PRR33: variants seen among roughly 807,000 people sequenced by gnomAD.
PRR33 encodes proline-rich protein 33.
Under a neutral mutation model 0.5 loss-of-function variants are expected in PRR33, and 1 was observed. That is an observed-to-expected ratio of 2.18 (90% CI 0.77 to 10.34). The LOEUF (loss-of-function observed/expected upper bound fraction) is 10.34, where lower values mean the gene tolerates loss of function less well. PRR33 is among the 30% of genes most tolerant of loss of function. PRR33 has a pLI of 0.13. For missense variants in PRR33, 552 were observed against 251.8 expected (o/e 2.19, Z -8.07); for synonymous variants, 226 against 110.0 (o/e 2.06, Z -6.60).
chr11:1,909,614 A>C, the PRR33 span, among the ~76,000 whole-genome samples: 2 of 152,086 alleles, frequency 1.3e-5, no homozygotes, highest in Non-Finnish European at 2.9e-5. Flanking sequence ...TCTCAAAAAC[A>C]AAAACAAAAA....
chr11:1,907,644 C>A, the PRR33 span, among the ~76,000 whole-genome samples: 10 of 152,290 alleles, frequency 6.6e-5, no homozygotes, highest in East Asian at 1.9e-3. Context: ...GAACTCCTAA[C>A]CTCAGGTGAT....
chr11:1,895,600 C>A (rs1460515242), upstream of PRR33, among the ~76,000 whole-genome samples: 2 of 152,160 alleles, frequency 1.3e-5, no homozygotes, highest in Admixed American at 6.5e-5. Context: ...CTTTTGGTAT[C>A]ATGTCTGAGA....
chr11:1,911,665 C>T, the PRR33 span, among the ~76,000 whole-genome samples: 2 of 151,620 alleles, frequency 1.3e-5, no homozygotes, highest in African/African-American at 2.4e-5. Flanking sequence ...AAGTGATTCG[C>T]CTGCCTCGGC....
At position 1,889,431 on chromosome 11, in the gene PRR33, G is replaced by C. The variant is rs756200892; in HGVS notation, c.1154C>G (p.Pro385Arg). Residue 385 changes from proline to arginine, a missense_variant, in exon 1 of 1, where the codon CCC becomes CGC. By Grantham distance (103) the Pro-to-Arg change is moderately radical (BLOSUM62 -2). Coordinates refer to ENST00000640310, the Ensembl canonical transcript of PRR33. The stretch of plus-strand genomic sequence containing the variant: ...GGGGGCCCGGGGTGCGGTGAGGGCG[G>C]GCACCTCCTGCTCTGTGGGGGCAGG... 6.4e-5 allele frequency: 43 copies of C among 666,870 alleles called. 2 individuals are homozygous for C. The South Asian group carries it at 7.1e-4, about 11-fold the overall frequency. The allele number at this position is 666,870 out of a possible 1,614,324, so 41.3% of individuals were successfully genotyped here. A position where few individuals can be genotyped will look rare whatever the true frequency, so the allele number is the denominator to read the frequency against.
chr11:1,912,025 A>C, the PRR33 span, among the ~76,000 whole-genome samples: 2 of 114,122 alleles, frequency 1.8e-5, no homozygotes, highest in Admixed American at 9.3e-5. Context: ...AAAAAAAAAA[A>C]GCCAAGTGTG....
chr11:1,899,417 C>T, the PRR33 span, among the ~76,000 whole-genome samples: 5 of 152,092 alleles, frequency 3.3e-5, no homozygotes, highest in African/African-American at 4.8e-5. Context: ...GATTGTGAAG[C>T]GTTTGATAGG....
At chr11:1,903,839 C>T in the PRR33 span, among the ~76,000 whole-genome samples, 18 of 152,172 alleles carry the variant, frequency 1.2e-4, no homozygotes, top group African/African-American at 4.8e-5. Flanking sequence ...GAGTAGAACA[C>T]GAACATCCTT....
At chr11:1,903,456 T>C in the PRR33 span, among the ~76,000 whole-genome samples, 1 of 152,156 alleles carries the variant, frequency 6.6e-6, no homozygotes, top group East Asian at 1.9e-4. Context: ...TCATTTGCCT[T>C]TTGTGCAGAC....
At chr11:1,907,705 CG>C in the PRR33 span, 1 of 152,130 alleles carries the variant, frequency 6.6e-6, no homozygotes, top group East Asian at 1.9e-4. Context: ...TGAGCCACCG[CG>C]CCCGGCCTCT....
At chr11:1,889,708 G>T (rs1479839557) in exon 1 of PRR33, 1 of 647,282 alleles carries the variant, frequency 1.5e-6, no homozygotes, top group Middle Eastern at 2.5e-4. Flanking sequence ...TCCTCCAGGT[G>T]CTCTCTGCCA....
At chr11:1,905,335 C>G in the PRR33 span, among the ~76,000 whole-genome samples, 1 of 151,712 alleles carries the variant, frequency 6.6e-6, no homozygotes, top group African/African-American at 2.4e-5. Flanking sequence ...CCATGTTGGC[C>G]AGGCTACTCT....
chr11:1,913,382 G>A, the PRR33 span, among the ~76,000 whole-genome samples: 14 of 150,448 alleles, frequency 9.3e-5, no homozygotes, highest in African/African-American at 2.4e-4. Context: ...TCCTGACCTC[G>A]TGATCCGCCC....
chr11:1,890,561 C>T, exon 1 of PRR33: 1 of 711,338 alleles, frequency 1.4e-6, no homozygotes, highest in Non-Finnish European at 2.6e-6. Context: ...CCTCGGGTGC[C>T]ATCGACGCAG....
chr11:1,908,316 G>GCCCACC, the PRR33 span, among the ~76,000 whole-genome samples: 156 of 58,954 alleles, frequency 2.6e-3, no homozygotes, highest in Middle Eastern at 7.7e-3. Flanking sequence ...CCCCACCCCC[G>GCCCACC]CCCACCCCCA....
At chr11:1,914,395 G>T in the PRR33 span, among the ~76,000 whole-genome samples, 6 of 151,648 alleles carry the variant, frequency 4.0e-5, no homozygotes, top group African/African-American at 1.5e-4. Flanking sequence ...TGTGTTGTGT[G>T]TGGGGTCACA....
the PRR33 span, among the ~76,000 whole-genome samples, chr11:1,913,818 C>T: frequency 2.1e-4 from 32 of 152,266 alleles, no homozygotes; most frequent in South Asian, 4.1e-4. Context: ...CGCCTCACCC[C>T]GCGCTCTGCG....
At chr11:1,889,352 C>T (rs372763912) in exon 1 of PRR33, 17 of 712,292 alleles carry the variant, frequency 2.4e-5, no homozygotes, top group Middle Eastern at 2.3e-4. Context: ...CTTGGGCCTC[C>T]GCCACTGACA....
chr11:1,890,242 G>C (rs937107081), exon 1 of PRR33: 3 of 716,374 alleles, frequency 4.2e-6, no homozygotes. Flanking sequence ...GGGGTGTGCG[G>C]GGAGCGGGGT....
At chr11:1,917,044 C>G in the PRR33 span, among the ~76,000 whole-genome samples, 3 of 152,234 alleles carry the variant, frequency 2.0e-5, no homozygotes, top group African/African-American at 7.2e-5. Context: ...CAGAACGAGT[C>G]AATGAAACTG....
Sources: allele counts gnomAD v4.1 joint callset (sites outside exome capture counted in the v4.1 genomes callset), GRCh38; gene constraint gnomAD v4.1.1; transcripts MANE v1.5; gene names NCBI Gene and HGNC (gene_info 2026-07-23, HGNC 2026-07-21).